Variants in PPFIA1 observed in about 807,000 individuals in gnomAD.
PPFIA1 encodes PPFI scaffold protein A1.
Under a neutral mutation model 149.9 loss-of-function variants are expected in PPFIA1, and 25 were observed. That is an observed-to-expected ratio of 0.17 (90% CI 0.12 to 0.23). The LOEUF (loss-of-function observed/expected upper bound fraction) is 0.23, where lower values mean the gene tolerates loss of function less well. Ranked by LOEUF, PPFIA1 falls within the 10% of genes least tolerant of loss-of-function variation. The probability of loss-of-function intolerance (pLI) is 1.00; values close to 1 mark genes in which losing one functional copy is unlikely to be tolerated. For missense variants in PPFIA1, 1,362 were observed against 1,506.5 expected, an observed-to-expected ratio of 0.90 and a Z score of 1.59; for synonymous variants, 549 against 552.8, an observed-to-expected ratio of 0.99 and a Z score of 0.10.
At chr11:70,337,485 G>T in intron 12 of PPFIA1, 58 bp downstream of exon 12, 1 of 1,313,130 alleles carries the variant, frequency 7.6e-7, no homozygotes, top group Non-Finnish European at 1.1e-6. Context: ...TGATGATGAT[G>T]ATAGTTACTG....
intron 8 of PPFIA1, 24 bp from the exon 9 acceptor site, chr11:70,331,936 T>C: frequency 6.3e-7 from 1 of 1,593,292 alleles, no homozygotes; most frequent in Non-Finnish European, 8.5e-7. Context: ...TGTTGCATTT[T>C]GATGCTTTGC....
intron 15 of PPFIA1, among the ~76,000 whole-genome samples, chr11:70,346,661 G>A (rs984477294): frequency 1.6e-4 from 25 of 152,140 alleles, no homozygotes; most frequent in African/African-American, 6.0e-4. Flanking sequence ...CATTATGGGA[G>A]CTGGGAAAGG....
At chr11:70,346,253 A>G (rs971590389) in intron 15 of PPFIA1, among the ~76,000 whole-genome samples, 5 of 151,964 alleles carry the variant, frequency 3.3e-5, no homozygotes, top group Admixed American at 6.6e-5. Context: ...GGCTAGCCTG[A>G]ATCCAAGGGA....
At chr11:70,371,468 C>G (rs61887428) in intron 21 of PPFIA1, 438 of 3,936 alleles carry the variant, frequency 0.11, 1 homozygote, top group African/African-American at 0.16. Context: ...TCTGTATTCT[C>G]TTGTTGGGTG....
intron 2 of PPFIA1, among the ~76,000 whole-genome samples, chr11:70,299,821 G>A (rs2052355566): frequency 6.6e-6 from 1 of 152,148 alleles, no homozygotes; most frequent in Non-Finnish European, 1.5e-5. Flanking sequence ...GGACCTCGGT[G>A]CCTGTGGTCC....
intron 19 of PPFIA1, 61 bp downstream of exon 19, chr11:70,356,315 C>T: frequency 1.6e-6 from 2 of 1,282,902 alleles, no homozygotes; most frequent in South Asian, 1.2e-5. Flanking sequence ...TAAGCTCTAA[C>T]TAGTGTTTGT....
At chr11:70,320,361 A>G (rs2053861973) in intron 2 of PPFIA1, among the ~76,000 whole-genome samples, 1 of 151,996 alleles carries the variant, frequency 6.6e-6, no homozygotes, top group African/African-American at 2.4e-5. Flanking sequence ...CAGTGTCAGT[A>G]GGAAAGTGGG....
intron 15 of PPFIA1, among the ~76,000 whole-genome samples, 159 bp from the exon 16 acceptor site, chr11:70,348,030 A>T (rs1036195502): frequency 9.8e-5 from 15 of 152,346 alleles, no homozygotes; most frequent in African/African-American, 3.6e-4. Flanking sequence ...ATAAAAATTT[A>T]AAAAGAGTAG....
In PPFIA1 at chr11:70,331,886, G is replaced by A. The variant is rs1373876137; in HGVS notation, c.1078-74G>A. ...TCTCTTAGTCTGTATCTGCATTTCAGTTTGTTTCAATCTGTTAAAAACTGA... is the reference window on the plus strand; with the variant it reads ...TCTCTTAGTCTGTATCTGCATTTCAATTTGTTTCAATCTGTTAAAAACTGA... On this transcript the variant is annotated intron_variant, in intron 8 of 27. Transcript: ENST00000253925. 9.4e-6 allele frequency: 14 copies of A among 1,485,778 alleles called. No individual in the cohort carries two copies. The East Asian group carries it at 2.7e-4, about 28-fold the overall frequency. The allele number at this position is 1,485,778 out of a possible 1,614,324, so 92.0% of individuals were successfully genotyped here. A position where few individuals can be genotyped will look rare whatever the true frequency, so the allele number is the denominator to read the frequency against.
chr11:70,378,186 C>A lies in PPFIA1; in HGVS notation c.3541C>A (p.Gln1181Lys). The A allele has an allele frequency of 6.2e-7, 1 of 1,613,932 alleles. No individual in the cohort carries two copies. The highest frequency in any genetic ancestry group is 8.5e-7 in the Non-Finnish European group (1 of 1,179,908). The change falls in exon 26 of 28, where the codon CAG becomes AAG. Residue 1181 changes from glutamine (Q) to lysine (K), a missense_variant. Gln to Lys is a moderately conservative substitution (Grantham distance 53). Transcript: ENST00000253925. ...CCCCTCTATGCAGCCAAAGAAGATG[C>A]AGATGGACGGTATGTGATGGGTCAC... ...SSPSMQPKKM[Q>K]MDGNVSGTQR...
chr11:70,382,760 T>G (rs922967157), intron 27 of PPFIA1, among the ~76,000 whole-genome samples: 2 of 152,204 alleles, frequency 1.3e-5, no homozygotes, highest in Non-Finnish European at 2.9e-5. Context: ...ATCTTTTATT[T>G]GTAATTGGTA....
rs1324041143 is a variant in PPFIA1, at chr11:70,380,330, G to A, written c.3551-1758G>A. 6.6e-5 allele frequency among the ~76,000 whole-genome samples: 10 copies of A among 152,124 alleles called. No individual in the cohort carries two copies. The East Asian group carries it at 9.7e-4, about 15-fold the overall frequency. On this transcript the variant is annotated intron_variant, in intron 26 of 27. Coordinates refer to ENST00000253925, the MANE Select transcript of PPFIA1 (RefSeq NM_003626.5). ...CGCCTGTAATCCCAGCACTTTGGGA[G>A]GCCAAGGCGGGAGGATCACGAGGTC... is the stretch of plus-strand genomic sequence containing the variant.
chr11:70,366,082 C>T (rs529128890), intron 21 of PPFIA1: 62 of 401,606 alleles, frequency 1.5e-4, no homozygotes, highest in South Asian at 5.6e-4. Flanking sequence ...TTAGTTTATT[C>T]GGAGTACAGG....
intron 21 of PPFIA1, among the ~76,000 whole-genome samples, chr11:70,363,622 T>A (rs1167035217): frequency 6.6e-6 from 1 of 152,132 alleles, no homozygotes; most frequent in Non-Finnish European, 1.5e-5. Context: ...CAAGCGATCC[T>A]CCCACCTCAG....
chr11:70,374,776 A>G (rs771898479), intron 23 of PPFIA1, 142 bp from the exon 24 acceptor site: 8 of 686,354 alleles, frequency 1.2e-5, no homozygotes, highest in African/African-American at 1.8e-5. Flanking sequence ...ATGGTTGTCT[A>G]TTTAGCAGTG....
At chr11:70,302,893 C>T (rs1369877529) in intron 2 of PPFIA1, among the ~76,000 whole-genome samples, 1 of 151,822 alleles carries the variant, frequency 6.6e-6, no homozygotes, top group East Asian at 1.9e-4. Flanking sequence ...ACATTTGTGC[C>T]ACCACACCAC....
chr11:70,323,402 A>G (rs1043623515), intron 2 of PPFIA1, among the ~76,000 whole-genome samples: 4 of 152,128 alleles, frequency 2.6e-5, no homozygotes, highest in African/African-American at 7.2e-5. Context: ...GCCACACTCA[A>G]AGTTGAGCCT....
At chr11:70,311,256 C>T (rs541142684) in intron 2 of PPFIA1, among the ~76,000 whole-genome samples, 4 of 150,542 alleles carry the variant, frequency 2.7e-5, no homozygotes, top group East Asian at 1.9e-4. Flanking sequence ...TGTGGTGAGC[C>T]GAGATTGGGC....
chr11:70,339,060 A>T lies in PPFIA1; in HGVS notation c.1572-111A>T, dbSNP rs1175024922. On this transcript the variant is annotated intron_variant, in intron 13 of 27. Transcript: ENST00000253925. ...GATGAGAGCAGTGCCCTCCCTGGAG[A>T]CCCTTTCCTGTGTGGAATAACTTTT... 3.8e-6 allele frequency: 5 copies of T among 1,303,886 alleles called. No homozygotes were observed. In the Admixed American group the frequency reaches 1.1e-4, roughly 29 times the overall value. 80.8% of individuals were successfully genotyped at this position (1,303,886 alleles called of 1,614,324 possible).
Sources: gnomAD v4.1 joint callset for allele counts (sites outside exome capture counted in the v4.1 genomes callset) on GRCh38, gnomAD v4.1.1 for gene constraint, MANE v1.5 for transcripts, NCBI Gene and HGNC (gene_info 2026-07-23, HGNC 2026-07-21) for gene names.